Variants in DCAF6 observed in about 807,000 individuals in gnomAD.
DCAF6 encodes DDB1- and CUL4-associated factor 6.
In DCAF6, 54 loss-of-function variants were observed where a neutral mutation model predicts 125.1. The observed-to-expected ratio is 0.43, with a 90% CI of 0.35 to 0.54. The LOEUF (loss-of-function observed/expected upper bound fraction) is 0.54, where lower values mean the gene tolerates loss of function less well. DCAF6 is among the 20% of genes least tolerant of loss of function. The pLI, the probability that DCAF6 is intolerant of heterozygous loss-of-function variation, is 0.01. For synonymous variants in DCAF6, 371 were observed against 390.4 expected (o/e 0.95, Z 0.58); for missense variants, 934 against 1,161.7 (o/e 0.80, Z 2.85).
chr1:167,906,687 G>A, the DCAF6 span, among the ~76,000 whole-genome samples: 1 of 151,960 alleles, frequency 6.6e-6, no homozygotes, highest in Non-Finnish European at 1.5e-5. Flanking sequence ...TATTCAGGAG[G>A]CTGAGGTGGG....
chr1:167,939,414 CTT>C (rs910353569), intron 1 of DCAF6, among the ~76,000 whole-genome samples: 6 of 151,994 alleles, frequency 3.9e-5, no homozygotes, highest in South Asian at 2.1e-4. Context: ...GATAAAATGA[CTT>C]TATCATTATT....
intron 2 of DCAF6, among the ~76,000 whole-genome samples, chr1:167,957,873 C>T (rs140405173): frequency 9.1e-4 from 139 of 152,122 alleles, no homozygotes; most frequent in Non-Finnish European, 1.3e-3. Flanking sequence ...GTTTTTATTT[C>T]TCTGATGACT....
At chr1:167,997,591 A>G in intron 7 of DCAF6, among the ~76,000 whole-genome samples, 1 of 152,160 alleles carries the variant, frequency 6.6e-6, no homozygotes, top group East Asian at 1.9e-4. Context: ...AGAAATCAGA[A>G]AATTCACTGT....
the DCAF6 span, chr1:167,913,847 C>T: frequency 1.2e-4 from 18 of 152,354 alleles, no homozygotes; most frequent in African/African-American, 4.3e-4. Context: ...GAGGTATACA[C>T]AAACTTGAAC....
intron 13 of DCAF6, among the ~76,000 whole-genome samples, chr1:168,040,505 T>C (rs1412604132): frequency 1.3e-5 from 2 of 151,200 alleles, no homozygotes; most frequent in African/African-American, 4.9e-5. Flanking sequence ...AAAAAAGTGA[T>C]GGGATTCTAG....
At chr1:167,897,503 A>AT in the DCAF6 span, among the ~76,000 whole-genome samples, 22 of 125,392 alleles carry the variant, frequency 1.8e-4, no homozygotes, top group African/African-American at 7.1e-4. Context: ...TCTCAAAAAA[A>AT]AATATATATA....
chr1:167,891,976 CT>C, the DCAF6 span, among the ~76,000 whole-genome samples: 382 of 139,822 alleles, frequency 2.7e-3, no homozygotes, highest in Non-Finnish European at 3.2e-3. Flanking sequence ...TTTTTCTTTT[CT>C]TTTTTTTTTT....
chr1:167,938,450 AAGT>A (rs1671695725), intron 1 of DCAF6, among the ~76,000 whole-genome samples: 3 of 152,160 alleles, frequency 2.0e-5, no homozygotes, highest in Admixed American at 2.0e-4. Context: ...TTTCTTCTTT[AAGT>A]AGACGTTCGC....
At chr1:167,992,080 A>G (rs1031776748) in intron 6 of DCAF6, among the ~76,000 whole-genome samples, 5 of 152,198 alleles carry the variant, frequency 3.3e-5, no homozygotes, top group Admixed American at 6.5e-5. Flanking sequence ...TGTGTAGCAT[A>G]TATTTATTCC....
the DCAF6 span, among the ~76,000 whole-genome samples, chr1:167,864,895 GAAAA>G: frequency 7.7e-6 from 1 of 129,276 alleles, no homozygotes; most frequent in African/African-American, 2.8e-5. Context: ...TTGCTAACAG[GAAAA>G]AAAAAAAAAA....
upstream of DCAF6, chr1:167,935,776 C>T (rs1423649563): frequency 1.3e-6 from 2 of 1,565,080 alleles, no homozygotes; most frequent in Non-Finnish European, 1.7e-6. Context: ...CGGGCAGCAT[C>T]AGCTCCACTT....
chr1:168,041,745 T>C (rs1359682024), intron 13 of DCAF6, among the ~76,000 whole-genome samples: 1 of 151,972 alleles, frequency 6.6e-6, no homozygotes, highest in Non-Finnish European at 1.5e-5. Flanking sequence ...ATATTTTAAT[T>C]ACTATAATGT....
chr1:167,912,133 A>G, the DCAF6 span, among the ~76,000 whole-genome samples: 1 of 152,212 alleles, frequency 6.6e-6, no homozygotes, highest in East Asian at 1.9e-4. Context: ...CACATACCAC[A>G]TTGTAATTAT....
intron 12 of DCAF6, among the ~76,000 whole-genome samples, chr1:168,032,599 C>T (rs937359709): frequency 6.6e-6 from 1 of 152,062 alleles, no homozygotes; most frequent in Non-Finnish European, 1.5e-5. Flanking sequence ...TGTTTTATTT[C>T]GACCTTACTT....
At chr1:168,039,037 T>G (rs1357914890) in intron 13 of DCAF6, among the ~76,000 whole-genome samples, 1 of 152,098 alleles carries the variant, frequency 6.6e-6, no homozygotes, top group Admixed American at 6.6e-5. Flanking sequence ...TTCTATAGTT[T>G]ACTTAGCCAT....
chr1:167,925,567 G>A, the DCAF6 span, among the ~76,000 whole-genome samples: 799 of 125,824 alleles, frequency 6.4e-3, 4 homozygotes, highest in African/African-American at 0.023. Flanking sequence ...TTTTTTTTGA[G>A]ACAGAGTCTC....
Position 168,075,676 on chromosome 1 carries a change from T to C in DCAF6, c.*241T>C. The C allele has an allele frequency of 2.7e-6, 1 of 371,868 alleles. No individual in the cohort carries two copies. Among genetic ancestry groups the C allele is most frequent in the Non-Finnish European group, 4.8e-6 (1 of 209,242 alleles). 23.0% of individuals were successfully genotyped at this position (371,868 alleles called of 1,614,324 possible). ...GCCGTGTATGAGGAGTGCTAGAAAATGCAAAGTGCAATATTTTCCCTAACC... is the reference window on the plus strand; with the variant it reads ...GCCGTGTATGAGGAGTGCTAGAAAACGCAAAGTGCAATATTTTCCCTAACC... On this transcript the variant is annotated 3_prime_UTR_variant, in exon 22 of 22. Transcript: ENST00000367840.
At chr1:167,982,387 G>A (rs1442291994) in intron 4 of DCAF6, among the ~76,000 whole-genome samples, 1 of 151,918 alleles carries the variant, frequency 6.6e-6, no homozygotes. Flanking sequence ...GACTATAGGC[G>A]CATGCAACCA....
At chr1:167,972,052 C>T (rs144278097) in intron 3 of DCAF6, among the ~76,000 whole-genome samples, 9,285 of 152,168 alleles carry the variant, frequency 0.061, 395 homozygotes, top group Non-Finnish European at 0.098. Flanking sequence ...GATGGGGTTT[C>T]GCCATGTTGG....
Sources: gnomAD v4.1 joint callset for allele counts (sites outside exome capture counted in the v4.1 genomes callset) on GRCh38, gnomAD v4.1.1 for gene constraint, MANE v1.5 for transcripts, NCBI Gene and HGNC (gene_info 2026-07-23, HGNC 2026-07-21) for gene names.